GON4L: variants seen among roughly 807,000 people sequenced by gnomAD.
The protein encoded by GON4L is GON-4-like protein.
Under a neutral mutation model 211.8 loss-of-function variants are expected in GON4L, and 87 were observed. The ratio of observed to expected loss-of-function variants is 0.41; its 90% CI spans 0.35 to 0.49. The LOEUF is 0.49. Among genes scored for constraint, GON4L ranks in the 20% least tolerant of loss-of-function variants. The pLI is 0.15. For missense variants in GON4L, 2,155 were observed against 2,659.5 expected (o/e 0.81, Z 4.17); for synonymous variants, 875 against 962.6 (o/e 0.91, Z 1.68).
chr1:155,834,577 C>T (rs1670116138), intron 2 of GON4L, among the ~76,000 whole-genome samples: 1 of 152,074 alleles, frequency 6.6e-6, no homozygotes, highest in African/African-American at 2.4e-5. Context: ...CGAAAGACCC[C>T]GCTGAACAAA....
Position 155,766,439 on chromosome 1 carries a change from G to C in GON4L, c.3034C>G (p.Leu1012Val), listed in dbSNP as rs369903853. 259 of 1,614,054 alleles carry C rather than the reference G, an allele frequency of 1.6e-4. No homozygotes were observed. The highest frequency in any genetic ancestry group is 2.2e-4 in the Non-Finnish European group (255 of 1,180,038). Residue 1012 changes from leucine to valine, a missense_variant, in exon 21 of 32, where the codon CTC (leucine) becomes GTC (valine). Physicochemically the swap from Leu to Val is conservative, Grantham distance 32. Coordinates refer to ENST00000368331, the MANE Select transcript of GON4L (RefSeq NM_001282860.2). ...TTCCCAGGGTTGAAGCTGGGCTGGA[G>C]AGAGGGGCTGGGTTGGATAAGGAGG... ...KPLLIQPSPS[L>V]QPSFNPGKTP... is the part of the protein sequence containing the mutation.
intron 2 of GON4L, among the ~76,000 whole-genome samples, chr1:155,828,738 G>A (rs1669454595): frequency 6.6e-6 from 1 of 151,166 alleles, no homozygotes; most frequent in South Asian, 2.1e-4. Context: ...AACCCAGGAG[G>A]CGGAGGTTGC....
At chr1:155,802,813 G>A (rs570308983) in intron 11 of GON4L, among the ~76,000 whole-genome samples, 97 of 152,236 alleles carry the variant, frequency 6.4e-4, no homozygotes, top group Middle Eastern at 6.8e-3. Context: ...AAAATTGGCC[G>A]GGCATGATGG....
At chr1:155,792,096 C>G (rs1337401057) in intron 12 of GON4L, among the ~76,000 whole-genome samples, 1 of 152,104 alleles carries the variant, frequency 6.6e-6, no homozygotes, top group African/African-American at 2.4e-5. Context: ...AATACACTAT[C>G]TGCAGAATTG....
At chr1:155,777,940 T>A in intron 14 of GON4L, 120 bp from the exon 15 acceptor site, 1 of 725,924 alleles carries the variant, frequency 1.4e-6, no homozygotes, top group Non-Finnish European at 2.5e-6. Flanking sequence ...ATCCCCCATC[T>A]CACTTTAGCC....
At chr1:155,790,413 T>C (rs1316065860) in intron 12 of GON4L, among the ~76,000 whole-genome samples, 1 of 151,820 alleles carries the variant, frequency 6.6e-6, no homozygotes, top group Non-Finnish European at 1.5e-5. Flanking sequence ...CAGATAATTT[T>C]AAAGTTTTTT....
chr1:155,790,672 A>G (rs926891118), intron 12 of GON4L, among the ~76,000 whole-genome samples: 6 of 151,834 alleles, frequency 4.0e-5, no homozygotes, highest in South Asian at 4.2e-4. Flanking sequence ...TTGGCCGGGC[A>G]CAGTGGCTCA....
chr1:155,762,093 T>C, intron 23 of GON4L, 97 bp downstream of exon 23: 1 of 946,918 alleles, frequency 1.1e-6, no homozygotes, highest in Non-Finnish European at 1.7e-6. Flanking sequence ...GCCTGTTGCA[T>C]AGCCTGAAAA....
chr1:155,823,396 T>A (rs1213408522), intron 3 of GON4L, among the ~76,000 whole-genome samples: 2 of 152,178 alleles, frequency 1.3e-5, no homozygotes, highest in African/African-American at 4.8e-5. Flanking sequence ...TCAGAAAACT[T>A]AGGAAAATTA....
At position 155,814,406 on chromosome 1, in the gene GON4L, C is replaced by G; in HGVS notation, c.1205G>C (p.Arg402Pro). ...SDVESTASSP[R>P]GAKKSRLRQS... Reference sequence around the variant, plus strand: ...CCTCAATCTGGATTTCTTTGCCCCACGTGGAGATGAAGCAGTGCTTTCAAC... The same window carrying G: ...CCTCAATCTGGATTTCTTTGCCCCAGGTGGAGATGAAGCAGTGCTTTCAAC... The change falls in exon 9 of 32, where the codon CGT becomes CCT. Residue 402 changes from arginine to proline, a missense_variant. Arg to Pro is a moderately radical substitution (Grantham distance 103). Around this residue, in one of 6 missense-constraint regions of GON4L, gnomAD observed 551 missense variants for 854.0 expected, o/e 0.65. Transcript: ENST00000368331. 1.2e-6 allele frequency: 2 copies of G among 1,613,092 alleles called. No homozygotes were observed. Among genetic ancestry groups the G allele is most frequent in the Non-Finnish European group, 8.5e-7 (1 of 1,179,108 alleles).
At chr1:155,745,423 A>T (rs187390788), downstream of GON4L, among the ~76,000 whole-genome samples, 132 of 152,346 alleles carry the variant, frequency 8.7e-4, no homozygotes, top group East Asian at 7.5e-3. Context: ...AGCTTCCGCT[A>T]TTCTGGCAAG....
At chr1:155,747,926 G>A (rs1267106754), downstream of GON4L, 7 of 1,557,382 alleles carry the variant, frequency 4.5e-6, no homozygotes, top group Admixed American at 1.8e-5. Flanking sequence ...GTAAACATTC[G>A]AATCCCATTG....
At chr1:155,823,837 G>C (rs1314997406) in intron 3 of GON4L, among the ~76,000 whole-genome samples, 1 of 149,708 alleles carries the variant, frequency 6.7e-6, no homozygotes, top group East Asian at 2.0e-4. Context: ...AGGTTGCAGT[G>C]AGCCGAGATC....
At chr1:155,748,045 C>T (rs1042958979), downstream of GON4L, 11 of 1,607,324 alleles carry the variant, frequency 6.8e-6, no homozygotes, top group Non-Finnish European at 7.7e-6. Context: ...CTGCTCACAG[C>T]TCTCGTCTGC....
chr1:155,846,106 C>T (rs1671209323), intron 2 of GON4L: 1 of 229,502 alleles, frequency 4.4e-6, no homozygotes, highest in Non-Finnish European at 9.9e-6. Context: ...TTGTCAAGGC[C>T]TTTTACCTGA....
intron 11 of GON4L, among the ~76,000 whole-genome samples, chr1:155,801,506 G>C (rs1666658306): frequency 6.6e-6 from 1 of 150,964 alleles, no homozygotes; most frequent in African/African-American, 2.4e-5. Context: ...ACAGAGGGTG[G>C]GTAAAAAAAA....
At chr1:155,822,705 G>T in intron 3 of GON4L, among the ~76,000 whole-genome samples, 1 of 152,316 alleles carries the variant, frequency 6.6e-6, no homozygotes, top group African/African-American at 2.4e-5. Context: ...GAGAAAGGGG[G>T]ATAGCAAAGG....
chr1:155,824,893 G>A (rs930386054), intron 3 of GON4L, among the ~76,000 whole-genome samples: 11 of 151,972 alleles, frequency 7.2e-5, no homozygotes, highest in African/African-American at 2.7e-4. Context: ...GCTCATGCCT[G>A]TAATCCCAGC....
chr1:155,785,538 G>A (rs1171319552), intron 12 of GON4L, among the ~76,000 whole-genome samples, 164 bp from the exon 13 acceptor site: 2 of 152,038 alleles, frequency 1.3e-5, no homozygotes, highest in Admixed American at 6.6e-5. Flanking sequence ...AGGCTGGAGC[G>A]CAGTGGCACG....
Sources: allele counts gnomAD v4.1 joint callset (sites outside exome capture counted in the v4.1 genomes callset), GRCh38; gene constraint gnomAD v4.1.1; regional missense constraint gnomAD v4.1.1; transcripts MANE v1.5; gene names NCBI Gene and HGNC (gene_info 2026-07-23, HGNC 2026-07-21).